Variants in TSPEAR observed in about 807,000 individuals in gnomAD.
TSPEAR encodes thrombospondin type laminin G domain and EAR repeats.
In TSPEAR, 69 loss-of-function variants were observed where a neutral mutation model predicts 71.6. That is an observed-to-expected ratio of 0.96 (90% CI 0.79 to 1.18). TSPEAR has a LOEUF of 1.18. Ranked by LOEUF, TSPEAR falls within the 50% of genes most tolerant of loss-of-function variation. The probability of loss-of-function intolerance (pLI) is 0.00; values close to 1 mark genes in which losing one functional copy is unlikely to be tolerated. For synonymous variants in TSPEAR, 402 were observed against 387.2 expected (o/e 1.04, Z -0.45); for missense variants, 971 against 894.9 (o/e 1.09, Z -1.09).
At chr21:44,563,598 C>A (rs1165829740) in intron 2 of TSPEAR, among the ~76,000 whole-genome samples, 1 of 151,682 alleles carries the variant, frequency 6.6e-6, no homozygotes, top group Admixed American at 6.6e-5. Flanking sequence ...CAAAAAAAAC[C>A]CATAAACCCA....
At chr21:44,682,217 C>G in intron 1 of TSPEAR, 1 of 1,424,028 alleles carries the variant, frequency 7.0e-7, no homozygotes, top group Admixed American at 2.0e-5. Flanking sequence ...CAGGCATCCC[C>G]ACAGCACAGA....
intron 1 of TSPEAR, among the ~76,000 whole-genome samples, chr21:44,570,523 T>A (rs1303873528): frequency 3.3e-5 from 5 of 152,154 alleles, no homozygotes; most frequent in Admixed American, 2.6e-4. Flanking sequence ...GCTGCAGAGA[T>A]AAGCTCGTTC....
Position 44,527,456 on chromosome 21 carries a change from C to T in TSPEAR, c.985G>A (p.Gly329Ser). The part of the protein sequence containing the change: ...QNLSTNSETL[G>S]IEVFRIPQVG... ...TGAGGGATGCGGAACACCTCAATGC[C>T]CAGGGTCTCTGAGTTGGTGGACAAG... The change falls in exon 7 of 12, where the codon GGC becomes AGC. Residue 329 changes from glycine (G) to serine (S), a missense_variant. Coordinates refer to ENST00000323084, the MANE Select transcript of TSPEAR (RefSeq NM_144991.3). 1.2e-6 allele frequency: 2 copies of T among 1,614,212 alleles called. No individual in the cohort carries two copies. Among genetic ancestry groups the T allele is most frequent in the Non-Finnish European group, 1.7e-6 (2 of 1,180,054 alleles).
At chr21:44,550,545 T>A (rs2053394538) in intron 2 of TSPEAR, 1 of 1,238,462 alleles carries the variant, frequency 8.1e-7, no homozygotes, top group Non-Finnish European at 1.1e-6. Flanking sequence ...GAGGAGCCAG[T>A]GAGCATCTGA....
chr21:44,686,147 G>A (rs1393787390), intron 1 of TSPEAR, among the ~76,000 whole-genome samples: 2 of 152,114 alleles, frequency 1.3e-5, no homozygotes, highest in Non-Finnish European at 2.9e-5. Flanking sequence ...CATCCATGAG[G>A]TGGACCCCTG....
At chr21:44,579,198 C>A (rs587757135) in intron 1 of TSPEAR, among the ~76,000 whole-genome samples, 22 of 152,250 alleles carry the variant, frequency 1.4e-4, no homozygotes, top group African/African-American at 5.3e-4. Flanking sequence ...TGGGACAGTC[C>A]TGGGGCCTGG....
At chr21:44,564,304 A>C (rs141430376) in intron 2 of TSPEAR, among the ~76,000 whole-genome samples, 1 of 152,338 alleles carries the variant, frequency 6.6e-6, no homozygotes, top group African/African-American at 2.4e-5. Flanking sequence ...CATTAAATGT[A>C]AATAGATTAA....
intron 2 of TSPEAR, among the ~76,000 whole-genome samples, chr21:44,564,385 A>G (rs2146063854): frequency 6.6e-6 from 1 of 152,346 alleles, no homozygotes; most frequent in Non-Finnish European, 1.5e-5. Flanking sequence ...GATACTCTGT[A>G]AAGTAGGCAT....
At chr21:44,684,397 G>A (rs1300934896) in intron 1 of TSPEAR, among the ~76,000 whole-genome samples, 1 of 152,124 alleles carries the variant, frequency 6.6e-6, no homozygotes, top group Non-Finnish European at 1.5e-5. Context: ...AGCTAGGGGT[G>A]GCGGTGTGCA....
chr21:44,507,990 C>T, intron 10 of TSPEAR: 1 of 152,222 alleles, frequency 6.6e-6, no homozygotes, highest in Admixed American at 6.5e-5. Context: ...TTTTAAAAAT[C>T]ATATAAGTAA....
intron 2 of TSPEAR, among the ~76,000 whole-genome samples, chr21:44,547,822 C>T (rs1163461616): frequency 1.3e-5 from 2 of 152,098 alleles, no homozygotes; most frequent in African/African-American, 4.8e-5. Flanking sequence ...TTCCTGCTTG[C>T]ACCTTCCCTT....
rs233303 is a variant in TSPEAR, at chr21:44,591,702, G to A, written c.83-23697C>T. The A allele has an allele frequency of 8.1e-6, 13 of 1,612,054 alleles. No individual in the cohort carries two copies. The African/African-American group carries it at 9.4e-5, about 12-fold the overall frequency. ...AGGCGTGCTGGCAGGGGGAGGAGGT[G>A]CAGCAAGCTGGCTGGCAGCTAGACT... On this transcript the variant is annotated intron_variant, in intron 1 of 11. Coordinates refer to ENST00000323084, the MANE Select transcript of TSPEAR (RefSeq NM_144991.3).
At chr21:44,540,962 C>G (rs1004606964) in intron 2 of TSPEAR, among the ~76,000 whole-genome samples, 2 of 151,918 alleles carry the variant, frequency 1.3e-5, no homozygotes, top group Non-Finnish European at 2.9e-5. Flanking sequence ...GTCCCGTTAT[C>G]AATATTCTTA....
At chr21:44,600,927 C>T (rs782110600) in intron 1 of TSPEAR, 4 of 1,612,194 alleles carry the variant, frequency 2.5e-6, no homozygotes, top group Non-Finnish European at 3.4e-6. Flanking sequence ...GCTGTGCCTC[C>T]TCCCCCTGCC....
At chr21:44,508,352 G>A (rs1278172006) in intron 10 of TSPEAR, 1 of 397,844 alleles carries the variant, frequency 2.5e-6, no homozygotes, top group Non-Finnish European at 3.5e-6. Flanking sequence ...AGAGCCCAGT[G>A]CCCAGGAGGG....
intron 1 of TSPEAR, among the ~76,000 whole-genome samples, chr21:44,606,557 G>A (rs587622825): frequency 6.6e-6 from 1 of 152,188 alleles, no homozygotes; most frequent in Non-Finnish European, 1.5e-5. Context: ...TTCTTTTGGG[G>A]AGAGGTCTGC....
In TSPEAR at chr21:44,499,541, G is replaced by A; in HGVS notation, c.*242C>T. ...ACACTCAGATGGGCGAGCACTGGCAGGGGCTCTGGGCCTCTGCCTGCAAGA... is the reference window on the plus strand; with the variant it reads ...ACACTCAGATGGGCGAGCACTGGCAAGGGCTCTGGGCCTCTGCCTGCAAGA... On this transcript the variant is annotated 3_prime_UTR_variant, in exon 12 of 12. Coordinates refer to ENST00000323084, the MANE Select transcript of TSPEAR (RefSeq NM_144991.3). 1 of 496,376 alleles carries A rather than the reference G, an allele frequency of 2.0e-6. No homozygotes were observed. Among genetic ancestry groups the A allele is most frequent in the Non-Finnish European group, 3.5e-6 (1 of 283,662 alleles). The allele number at this position is 496,376 out of a possible 1,614,324, so 30.7% of individuals were successfully genotyped here.
chr21:44,679,970 G>C (rs1449721578), intron 1 of TSPEAR, among the ~76,000 whole-genome samples: 1 of 152,154 alleles, frequency 6.6e-6, no homozygotes, highest in Non-Finnish European at 1.5e-5. Flanking sequence ...CCAGGACATT[G>C]GTCTAGGCAA....
intron 1 of TSPEAR, among the ~76,000 whole-genome samples, chr21:44,608,576 T>G (rs1198036071): frequency 6.6e-6 from 1 of 152,260 alleles, no homozygotes; most frequent in Non-Finnish European, 1.5e-5. Context: ...AGTAGCCATA[T>G]TTTAGAAAGC....
Sources: gnomAD v4.1 joint callset for allele counts (sites outside exome capture counted in the v4.1 genomes callset) on GRCh38, gnomAD v4.1.1 for gene constraint, MANE v1.5 for transcripts, NCBI Gene and HGNC (gene_info 2026-07-23, HGNC 2026-07-21) for gene names.